ATP8A2: variants seen among roughly 807,000 people sequenced by gnomAD.
ATP8A2 encodes the protein ATPase phospholipid transporting 8A2.
ATP8A2 carries 100 observed loss-of-function variants against 165.6 expected under a neutral mutation model. The ratio of observed to expected loss-of-function variants is 0.60; its 90% CI spans 0.51 to 0.71. The LOEUF is 0.71. Among genes scored for constraint, ATP8A2 ranks in the 30% least tolerant of loss-of-function variants. The probability of loss-of-function intolerance (pLI) is 0.00; values close to 1 mark genes in which losing one functional copy is unlikely to be tolerated. For synonymous variants in ATP8A2, 543 were observed against 548.8 expected, an observed-to-expected ratio of 0.99 and a Z score of 0.15; for missense variants, 1,227 against 1,479.5, an observed-to-expected ratio of 0.83 and a Z score of 2.80.
At chr13:25,484,456 C>T (rs1052531061) in intron 2 of ATP8A2, among the ~76,000 whole-genome samples, 4 of 152,052 alleles carry the variant, frequency 2.6e-5, no homozygotes, top group Non-Finnish European at 5.9e-5. Flanking sequence ...AATATGGAAA[C>T]TGAATACTTA....
intron 5 of ATP8A2, 106 bp from the exon 6 acceptor site, chr13:25,533,167 A>C: frequency 1.5e-6 from 1 of 682,880 alleles, no homozygotes; most frequent in Non-Finnish European, 2.6e-6. Flanking sequence ...AAGATAGGGT[A>C]TGTTAGAATT....
chr13:26,013,690 G>C (rs1388425055), intron 36 of ATP8A2, among the ~76,000 whole-genome samples: 1 of 148,544 alleles, frequency 6.7e-6, no homozygotes, highest in Non-Finnish European at 1.5e-5. Flanking sequence ...AAAAAAAAAA[G>C]AAAGAAAGAA....
At chr13:25,565,103 A>G (rs1207959930) in intron 16 of ATP8A2, among the ~76,000 whole-genome samples, 1 of 152,110 alleles carries the variant, frequency 6.6e-6, no homozygotes, top group African/African-American at 2.4e-5. Flanking sequence ...GTATATGTGT[A>G]TATATTATAT....
In ATP8A2 at chr13:25,652,505, C is replaced by T. The variant is rs1048561832; in HGVS notation, c.2212-46668C>T. Among the ~76,000 whole-genome samples, 10 of 152,232 alleles carry T rather than the reference C, an allele frequency of 6.6e-5. No homozygotes were observed. In the East Asian group the frequency reaches 1.4e-3, roughly 21 times the overall value. Reference sequence around the variant, plus strand: ...TCTTCCTTATTCTTATTTTTTAAAACGTATCTCATCTTTCTCCTCAAAAAA... The same window carrying T: ...TCTTCCTTATTCTTATTTTTTAAAATGTATCTCATCTTTCTCCTCAAAAAA... On this transcript the variant is annotated intron_variant, in intron 24 of 36. Coordinates refer to ENST00000381655, the MANE Select transcript of ATP8A2 (RefSeq NM_016529.6).
Position 25,613,554 on chromosome 13 carries a change from CAG to C in ATP8A2, c.2211+23858_2211+23859del, listed in dbSNP as rs1482696783. On this transcript the variant is annotated intron_variant, in intron 24 of 36. Coordinates refer to ENST00000381655, the MANE Select transcript of ATP8A2 (RefSeq NM_016529.6). ...GTGCCACTGCACTCCAGCCTGGAGA[CAG>C]AGCAAGACTCCATCTCAAAAAAACA... Among the ~76,000 whole-genome samples the C allele has an allele frequency of 9.2e-5, 14 of 152,166 alleles. No individual in the cohort carries two copies. The South Asian group carries it at 2.3e-3, about 25-fold the overall frequency.
intron 24 of ATP8A2, among the ~76,000 whole-genome samples, chr13:25,660,002 C>A (rs1440558321): frequency 6.6e-6 from 1 of 152,144 alleles, no homozygotes; most frequent in East Asian, 1.9e-4. Context: ...CAAGTTGAAG[C>A]CAGTTGTTTC....
At chr13:25,939,676 G>C (rs556697586) in intron 33 of ATP8A2, among the ~76,000 whole-genome samples, 1 of 152,110 alleles carries the variant, frequency 6.6e-6, no homozygotes, top group African/African-American at 2.4e-5. Context: ...CCTTGGCAGG[G>C]CTGGCCCTCC....
rs539785150 is a variant in ATP8A2, at chr13:25,717,446, A to G, written c.2384+18101A>G. On this transcript the variant is annotated intron_variant, in intron 25 of 36. Coordinates refer to ENST00000381655, the MANE Select transcript of ATP8A2 (RefSeq NM_016529.6). ...AAAAAAAAAAAAAAAACACCAAGGT[A>G]GGCACTACCACTACCAGCAGCAGCA... 6.0e-4 allele frequency among the ~76,000 whole-genome samples: 87 copies of G among 144,020 alleles called. No individual in the cohort carries two copies. In the East Asian group the frequency reaches 0.015, roughly 24 times the overall value. The allele number at this position is 144,020 out of a possible 152,430, so 94.5% of individuals were successfully genotyped here.
intron 27 of ATP8A2, among the ~76,000 whole-genome samples, chr13:25,785,888 A>G (rs532180752): frequency 2.8e-4 from 43 of 152,344 alleles, no homozygotes; most frequent in African/African-American, 8.2e-4. Context: ...TATCACTACC[A>G]TGATGGAAAA....
intron 25 of ATP8A2, among the ~76,000 whole-genome samples, chr13:25,719,786 TGTG>T (rs1254427748): frequency 6.6e-6 from 1 of 152,176 alleles, no homozygotes; most frequent in Non-Finnish European, 1.5e-5. Context: ...AGAGGGATGG[TGTG>T]GTCCAGACAT....
At chr13:25,505,955 G>A (rs2037023260) in intron 2 of ATP8A2, among the ~76,000 whole-genome samples, 1 of 152,210 alleles carries the variant, frequency 6.6e-6, no homozygotes. Flanking sequence ...CCACTGCAGA[G>A]TGTAGAGCTA....
At position 25,674,265 on chromosome 13, in the gene ATP8A2, T is replaced by TCCCCC. The variant is rs111355454; in HGVS notation, c.2212-24904_2212-24900dup. ...GAACTCCTATGAGGGTCCAGATGTG[T>TCCCCC]CCCCCCCCGAAAACTAAATCTATAA... On this transcript the variant is annotated intron_variant, in intron 24 of 36. Coordinates refer to ENST00000381655, the MANE Select transcript of ATP8A2 (RefSeq NM_016529.6). Among the ~76,000 whole-genome samples the TCCCCC allele has an allele frequency of 8.5e-4, 129 of 151,278 alleles. 1 individual carries two copies. Among genetic ancestry groups the TCCCCC allele is most frequent in the East Asian group, 3.7e-3 (19 of 5,114 alleles).
In ATP8A2 at chr13:25,659,198, A is replaced by G. The variant is rs1033006222; in HGVS notation, c.2212-39975A>G. On this transcript the variant is annotated intron_variant, in intron 24 of 36. Coordinates refer to ENST00000381655, the MANE Select transcript of ATP8A2 (RefSeq NM_016529.6). ...AACGGTCGTTTGATTCGAGTTACAG[A>G]TAGTAGGAGGTGACCCTTTGAAATC... is the stretch of plus-strand genomic sequence containing the variant. Among the ~76,000 whole-genome samples the G allele has an allele frequency of 9.9e-5, 15 of 152,118 alleles. 1 individual carries two copies. The highest frequency in any genetic ancestry group is 4.1e-4 in the South Asian group (2 of 4,824).
intron 30 of ATP8A2, among the ~76,000 whole-genome samples, chr13:25,847,310 A>G (rs955198955): frequency 6.6e-6 from 1 of 152,186 alleles, no homozygotes; most frequent in African/African-American, 2.4e-5. Context: ...CCAAATTCAA[A>G]TGCAAGATTT....
intron 2 of ATP8A2, among the ~76,000 whole-genome samples, chr13:25,516,899 G>T (rs567436876): frequency 6.6e-6 from 1 of 151,392 alleles, no homozygotes; most frequent in South Asian, 2.1e-4. Flanking sequence ...TCCTGCCTCA[G>T]CCTTCCAGGT....
chr13:25,939,970 G>A lies in ATP8A2; in HGVS notation c.3184-21605G>A, dbSNP rs562602445. Among the ~76,000 whole-genome samples, 85 of 152,028 alleles carry A rather than the reference G, an allele frequency of 5.6e-4. 1 individual carries two copies. In the South Asian group the frequency reaches 0.015, roughly 26 times the overall value. On this transcript the variant is annotated intron_variant, in intron 33 of 36. Transcript: ENST00000381655. ...CTTGGTTCTGGGTTTCTGCCCTGTC[G>A]TCCCCACCATCTGCTTGACTCCGTG...
intron 24 of ATP8A2, among the ~76,000 whole-genome samples, chr13:25,625,425 T>C (rs2041076893): frequency 1.3e-5 from 2 of 152,230 alleles, no homozygotes; most frequent in African/African-American, 4.8e-5. Context: ...CAAGTGCTAC[T>C]ATAGTGATTG....
At position 25,566,188 on chromosome 13, in the gene ATP8A2, C is replaced by T. The variant is rs573370229; in HGVS notation, c.1473+2157C>T. Among the ~76,000 whole-genome samples, 32 of 152,080 alleles carry T rather than the reference C, an allele frequency of 2.1e-4. No homozygotes were observed. In the South Asian group the frequency reaches 5.4e-3, roughly 26 times the overall value. Reference sequence around the variant, plus strand: ...CCCACAGGCTGTGATGCTGCTATTCCGACTCAGTTCTTGGTGATGCTGATG... The same window carrying T: ...CCCACAGGCTGTGATGCTGCTATTCTGACTCAGTTCTTGGTGATGCTGATG... On this transcript the variant is annotated intron_variant, in intron 16 of 36. Transcript: ENST00000381655.
rs534178439 is a variant in ATP8A2 at position 25,875,439 on chromosome 13, T to C, written c.3183+13031T>C. On this transcript the variant is annotated intron_variant, in intron 33 of 36. Coordinates refer to ENST00000381655, the MANE Select transcript of ATP8A2 (RefSeq NM_016529.6). ...ACATTGAACAACCTCTCGTGTACAA[T>C]TGGGTGGGTCTGTAGTTGGCTCTGT... Among the ~76,000 whole-genome samples the C allele has an allele frequency of 1.4e-4, 21 of 151,890 alleles. No homozygotes were observed. The South Asian group carries it at 4.3e-3, about 31-fold the overall frequency.
Sources: allele counts gnomAD v4.1 joint callset (sites outside exome capture counted in the v4.1 genomes callset), GRCh38; gene constraint gnomAD v4.1.1; transcripts MANE v1.5; gene names NCBI Gene and HGNC (gene_info 2026-07-23, HGNC 2026-07-21).